FAM3C: variants seen among roughly 807,000 people sequenced by gnomAD.
FAM3C encodes the protein protein FAM3C.
In FAM3C, 15 loss-of-function variants were observed where a neutral mutation model predicts 32.5. That is an observed-to-expected ratio of 0.46 (90% CI 0.31 to 0.71). FAM3C has a LOEUF of 0.71. Ranked by LOEUF, FAM3C falls within the 30% of genes least tolerant of loss-of-function variation. The pLI is 0.05. For synonymous variants in FAM3C, 75 were observed against 86.1 expected, an observed-to-expected ratio of 0.87 and a Z score of 0.72; for missense variants, 175 against 274.4, an observed-to-expected ratio of 0.64 and a Z score of 2.56.
intron 6 of FAM3C, among the ~76,000 whole-genome samples, chr7:121,363,805 G>T (rs973882743): frequency 1.3e-5 from 2 of 151,944 alleles, no homozygotes; most frequent in African/African-American, 4.8e-5. Flanking sequence ...CATTTCATAC[G>T]CCTTTAATCC....
At chr7:121,356,939 T>C (rs1051778806) in intron 8 of FAM3C, among the ~76,000 whole-genome samples, 3 of 152,320 alleles carry the variant, frequency 2.0e-5, no homozygotes, top group African/African-American at 7.2e-5. Flanking sequence ...GTTTTTTAAA[T>C]GGGCTTCACA....
At chr7:121,374,383 C>T (rs1235903522) in intron 3 of FAM3C, among the ~76,000 whole-genome samples, 1 of 152,094 alleles carries the variant, frequency 6.6e-6, no homozygotes, top group Non-Finnish European at 1.5e-5. Context: ...TTCTTCCTTT[C>T]TAGAAATGTG....
chr7:121,369,765 A>G (rs750929056), intron 5 of FAM3C, among the ~76,000 whole-genome samples: 9 of 152,214 alleles, frequency 5.9e-5, no homozygotes, highest in Admixed American at 1.3e-4. Context: ...GAAGACAGCC[A>G]AGTGAAGAGT....
chr7:121,386,394 G>C (rs558126586), intron 1 of FAM3C, among the ~76,000 whole-genome samples: 31 of 152,108 alleles, frequency 2.0e-4, no homozygotes, highest in African/African-American at 7.0e-4. Context: ...TAATAAGTAA[G>C]GGAGAATTCG....
rs1224524224 is a variant in FAM3C at position 121,351,220 on chromosome 7, T to C, written c.517A>G (p.Ile173Val). 2.5e-6 allele frequency: 4 copies of C among 1,613,482 alleles called. No individual in the cohort carries two copies. Among genetic ancestry groups the C allele is most frequent in the Non-Finnish European group, 3.4e-6 (4 of 1,179,704 alleles). Residue 173 changes from isoleucine (I) to valine (V), a missense_variant, in exon 9 of 10, where the codon ATT becomes GTT. Physicochemically the swap from Ile to Val is conservative, Grantham distance 29. Transcript: ENST00000359943. ...RLIADLGSTSITNLGFRDNWV... is the reference protein window; with the variant it reads ...RLIADLGSTSVTNLGFRDNWV... ...TTGTCTCTAAAACCAAGATTAGTAA[T>C]AGATGTGCTCCCCAAATCAGCAATG...
intron 8 of FAM3C, among the ~76,000 whole-genome samples, chr7:121,354,683 A>G (rs1359955648): frequency 6.6e-6 from 1 of 152,210 alleles, no homozygotes; most frequent in Non-Finnish European, 1.5e-5. Flanking sequence ...GAAAATCGCC[A>G]TATTACCTCA....
At chr7:121,364,312 A>G (rs1202731462) in intron 5 of FAM3C, 124 bp from the exon 6 acceptor site, 1 of 645,152 alleles carries the variant, frequency 1.6e-6, no homozygotes, top group African/African-American at 1.8e-5. Flanking sequence ...AGTGCTGCGG[A>G]GGAAATTAAA....
intron 5 of FAM3C, among the ~76,000 whole-genome samples, chr7:121,370,508 C>A (rs915918828): frequency 6.6e-6 from 1 of 152,004 alleles, no homozygotes; most frequent in Admixed American, 6.6e-5. Flanking sequence ...TTAAATAAGC[C>A]CCCATGTCTA....
intron 3 of FAM3C, among the ~76,000 whole-genome samples, chr7:121,375,953 G>A (rs1020893384): frequency 5.9e-5 from 9 of 152,200 alleles, no homozygotes; most frequent in African/African-American, 2.2e-4. Context: ...TTTGAGTCAA[G>A]TTACCATCTC....
rs371656990 is a variant in FAM3C, at chr7:121,379,065, A to G, written c.14-51T>C. 703 of 960,942 alleles carry G rather than the reference A, an allele frequency of 7.3e-4. 4 individuals carry two copies. The African/African-American group carries it at 0.011, about 16-fold the overall frequency. The allele number at this position is 960,942 out of a possible 1,614,324, so 59.5% of individuals were successfully genotyped here. The stretch of plus-strand genomic sequence containing the variant: ...AACTTTGTAAGCCCACAGAACTTTT[A>G]TTTTGCATTTCTATGAAAAATGTTT... On this transcript the variant is annotated intron_variant, in intron 2 of 9. Transcript: ENST00000359943.
At chr7:121,350,919 T>C (rs773499696) in intron 9 of FAM3C, among the ~76,000 whole-genome samples, 1 of 152,204 alleles carries the variant, frequency 6.6e-6, no homozygotes, top group Non-Finnish European at 1.5e-5. Context: ...CCTATTCCAA[T>C]GCATTGTCCT....
At position 121,350,250 on chromosome 7, in the gene FAM3C, G is replaced by T; in HGVS notation, c.*211C>A. The T allele has an allele frequency of 1.9e-6, 1 of 535,304 alleles. No homozygotes were observed. The highest frequency in any genetic ancestry group is 3.3e-6 in the Non-Finnish European group (1 of 300,598). 33.2% of individuals were successfully genotyped at this position (535,304 alleles called of 1,614,324 possible). A position where few individuals can be genotyped will look rare whatever the true frequency, so the allele number is the denominator to read the frequency against. On this transcript the variant is annotated 3_prime_UTR_variant, in exon 10 of 10. Coordinates refer to ENST00000359943, the MANE Select transcript of FAM3C (RefSeq NM_014888.3). Reference sequence around the variant, plus strand: ...TTGTACTTTTAGGGAAATGTGCGGAGACATGGTTCAGTGATTTGATCATTG... The same window carrying T: ...TTGTACTTTTAGGGAAATGTGCGGATACATGGTTCAGTGATTTGATCATTG...
chr7:121,351,390 G>A, intron 8 of FAM3C, 121 bp from the exon 9 acceptor site: 2 of 936,342 alleles, frequency 2.1e-6, no homozygotes, highest in South Asian at 3.7e-5. Context: ...AGAACATTTT[G>A]GAAAATAATT....
chr7:121,388,535 T>A (rs1427227589), intron 1 of FAM3C, among the ~76,000 whole-genome samples: 1 of 152,102 alleles, frequency 6.6e-6, no homozygotes, highest in Non-Finnish European at 1.5e-5. Flanking sequence ...TTCTGCAAAG[T>A]GTCCCCCAAA....
intron 1 of FAM3C, among the ~76,000 whole-genome samples, chr7:121,383,715 G>GT (rs1162276323): frequency 6.6e-6 from 1 of 152,130 alleles, no homozygotes; most frequent in Non-Finnish European, 1.5e-5. Context: ...AAAAAAATCT[G>GT]TATGTGCATG....
chr7:121,383,050 G>C (rs1794389479), intron 1 of FAM3C, 40 bp from the exon 2 acceptor site: 2 of 1,064,152 alleles, frequency 1.9e-6, no homozygotes, highest in Non-Finnish European at 2.9e-6. Flanking sequence ...ATTAGCTCTA[G>C]AGCAAACATT....
intron 3 of FAM3C, among the ~76,000 whole-genome samples, chr7:121,374,300 T>G (rs1794201262): frequency 6.6e-6 from 1 of 152,232 alleles, no homozygotes; most frequent in South Asian, 2.1e-4. Context: ...AATAAAGTTT[T>G]ATAAAAAATT....
intron 8 of FAM3C, among the ~76,000 whole-genome samples, chr7:121,353,649 G>GC (rs1329255577): frequency 1.3e-5 from 2 of 152,174 alleles, no homozygotes; most frequent in African/African-American, 2.4e-5. Context: ...CTGGTATTTT[G>GC]CAACAGGTTA....
At chr7:121,384,577 T>C (rs1468681610) in intron 1 of FAM3C, among the ~76,000 whole-genome samples, 3 of 152,200 alleles carry the variant, frequency 2.0e-5, no homozygotes, top group Non-Finnish European at 4.4e-5. Context: ...TTTCACTGTT[T>C]CCATGGCCTG....
Sources: allele counts gnomAD v4.1 joint callset (sites outside exome capture counted in the v4.1 genomes callset), GRCh38; gene constraint gnomAD v4.1.1; transcripts MANE v1.5; gene names NCBI Gene and HGNC (gene_info 2026-07-23, HGNC 2026-07-21).